The following NRCAM variants were observed in gnomAD, a reference collection of about 807,000 sequenced individuals.
NRCAM encodes the protein neuronal cell adhesion molecule, also known as NgCAM-related cell adhesion molecule.
A neutral mutation model predicts 156.5 loss-of-function variants in NRCAM; 83 were observed. The observed-to-expected ratio is 0.53, with a 90% CI of 0.44 to 0.64. NRCAM has a LOEUF of 0.64. Among genes scored for constraint, NRCAM ranks in the 30% least tolerant of loss-of-function variants. The pLI, the probability that NRCAM is intolerant of heterozygous loss-of-function variation, is 0.00. For synonymous variants in NRCAM, 538 were observed against 563.9 expected, an observed-to-expected ratio of 0.95 and a Z score of 0.65; for missense variants, 1,417 against 1,597.3, an observed-to-expected ratio of 0.89 and a Z score of 1.92.
chr7:108,391,177 A>G (rs902757079), intron 2 of NRCAM, among the ~76,000 whole-genome samples: 5 of 152,094 alleles, frequency 3.3e-5, no homozygotes, highest in South Asian at 2.1e-4. Context: ...GTGGGGTGTT[A>G]AAGTCTCCCA....
intron 11 of NRCAM, among the ~76,000 whole-genome samples, chr7:108,221,489 A>G (rs900131129): frequency 1.3e-5 from 2 of 152,164 alleles, no homozygotes; most frequent in Admixed American, 1.3e-4. Flanking sequence ...AAACTGTGGT[A>G]TATATATATG....
chr7:108,207,679 A>G lies in NRCAM; in HGVS notation c.1076-20T>C. The G allele has an allele frequency of 6.3e-7, 1 of 1,582,624 alleles. No individual in the cohort carries two copies. ...GAGCCGCTTTATAGGAGGAAGAAAA[A>G]AGACCAAAAATCTGAATCAAATAAG... On this transcript the variant is annotated intron_variant, in intron 12 of 32. Transcript: ENST00000379028.
At chr7:108,274,099 G>A (rs56409005) in intron 3 of NRCAM, among the ~76,000 whole-genome samples, 6,503 of 151,800 alleles carry the variant, frequency 0.043, 184 homozygotes, top group South Asian at 0.11. Flanking sequence ...CCATTGGTCT[G>A]TATCTGTTCT....
At chr7:108,455,928 C>A (rs1355533720) in intron 1 of NRCAM, among the ~76,000 whole-genome samples, 1 of 152,186 alleles carries the variant, frequency 6.6e-6, no homozygotes, top group Non-Finnish European at 1.5e-5. Flanking sequence ...GGTGCGGGCG[C>A]GGAGCAGAAG....
intron 2 of NRCAM, among the ~76,000 whole-genome samples, chr7:108,397,242 C>T (rs1196402896): frequency 1.3e-5 from 2 of 152,018 alleles, no homozygotes; most frequent in Admixed American, 6.6e-5. Context: ...GTGACAGATT[C>T]GTGGACCTTT....
rs1363208254 is a variant in NRCAM at position 108,176,611 on chromosome 7, C to T, written c.2975-5G>A. 2 of 1,605,374 alleles carry T rather than the reference C, an allele frequency of 1.2e-6. No individual in the cohort carries two copies. The highest frequency in any genetic ancestry group is 1.7e-5 in the Admixed American group (1 of 58,898). On this transcript the variant is annotated splice_polypyrimidine_tract_variant and splice_region_variant and intron_variant, in intron 26 of 32. Coordinates refer to ENST00000379028, the MANE Select transcript of NRCAM (RefSeq NM_001037132.4). ...CTAATTCATGTGTGCTGTTAACTGT[C>T]AATAAGAAATAATGAACAAGTGCAT...
At chr7:108,425,303 G>T (rs933676904) in intron 1 of NRCAM, among the ~76,000 whole-genome samples, 2 of 152,142 alleles carry the variant, frequency 1.3e-5, no homozygotes, top group African/African-American at 4.8e-5. Context: ...TTATTTCATA[G>T]ATATTTCCAA....
intron 1 of NRCAM, among the ~76,000 whole-genome samples, chr7:108,448,035 C>G (rs1243366979): frequency 6.6e-6 from 1 of 152,184 alleles, no homozygotes; most frequent in Non-Finnish European, 1.5e-5. Flanking sequence ...GGTTTTAGGA[C>G]AGCAGTGAAC....
intron 2 of NRCAM, among the ~76,000 whole-genome samples, chr7:108,373,091 G>A (rs1267796121): frequency 2.6e-5 from 4 of 152,126 alleles, no homozygotes; most frequent in African/African-American, 9.7e-5. Flanking sequence ...AAATAAGCTA[G>A]TCACAGGAAG....
Position 108,329,291 on chromosome 7 carries a change from G to C in NRCAM, c.-173-16560C>G, listed in dbSNP as rs74362255. Among the ~76,000 whole-genome samples, 1,380 of 152,246 alleles carry C rather than the reference G, an allele frequency of 9.1e-3. 29 individuals are homozygous for C. Among genetic ancestry groups the C allele is most frequent in the African/African-American group, 0.031 (1,306 of 41,544 alleles). On this transcript the variant is annotated intron_variant, in intron 2 of 32. Coordinates refer to ENST00000379028, the MANE Select transcript of NRCAM (RefSeq NM_001037132.4). ...ATAGTGAGCTGGTATTTTCATTAGA[G>C]TGCATAATACATTAGGATTATATTT...
chr7:108,425,563 C>A (rs964953495), intron 1 of NRCAM, among the ~76,000 whole-genome samples: 3 of 152,134 alleles, frequency 2.0e-5, no homozygotes, highest in African/African-American at 7.2e-5. Context: ...GAAATATATC[C>A]CAACAATTTT....
At chr7:108,389,522 C>T (rs2099752837) in intron 2 of NRCAM, among the ~76,000 whole-genome samples, 1 of 152,200 alleles carries the variant, frequency 6.6e-6, no homozygotes, top group Non-Finnish European at 1.5e-5. Context: ...TTGACTTCCT[C>T]TTTTCCTAAC....
intron 1 of NRCAM, among the ~76,000 whole-genome samples, chr7:108,439,054 T>G (rs1046323780): frequency 2.0e-5 from 3 of 152,196 alleles, no homozygotes; most frequent in Non-Finnish European, 2.9e-5. Flanking sequence ...GTTCATCTAT[T>G]GATTTAATGT....
intron 31 of NRCAM, 54 bp downstream of exon 31, chr7:108,160,302 TTTTAG>T: frequency 6.6e-7 from 1 of 1,505,942 alleles, no homozygotes; most frequent in Non-Finnish European, 9.2e-7. Flanking sequence ...CCCATGATCT[TTTTAG>T]TTTAATGGAT....
chr7:108,206,898 T>C (rs865782013), intron 13 of NRCAM, among the ~76,000 whole-genome samples: 5 of 152,124 alleles, frequency 3.3e-5, no homozygotes, highest in African/African-American at 1.2e-4. Context: ...GGGCAACAAG[T>C]ATAGCCAGGA....
intron 8 of NRCAM, 63 bp from the exon 9 acceptor site, chr7:108,226,441 C>G (rs574153740): frequency 6.0e-5 from 71 of 1,189,304 alleles, no homozygotes; most frequent in Non-Finnish European, 8.5e-5. Context: ...TCCAAATTAG[C>G]AAGATAAATG....
At chr7:108,191,634 C>G (rs1472334213) in intron 18 of NRCAM, 95 bp downstream of exon 18, 3 of 1,407,270 alleles carry the variant, frequency 2.1e-6, no homozygotes, top group Middle Eastern at 2.4e-4. Context: ...TGCATATTAA[C>G]AAGCAAATAT....
At position 108,191,233 on chromosome 7, in the gene NRCAM, A is replaced by G. The variant is rs182933180; in HGVS notation, c.1933+21T>C. 6.9e-6 allele frequency: 11 copies of G among 1,592,852 alleles called. No individual in the cohort carries two copies. In the Admixed American group the frequency reaches 1.0e-4, roughly 15 times the overall value. On this transcript the variant is annotated intron_variant, in intron 19 of 32. Coordinates refer to ENST00000379028, the MANE Select transcript of NRCAM (RefSeq NM_001037132.4). Reference sequence around the variant, plus strand: ...AAATTGTTTGACAGAAAACAGAGAAAGAAGACTCATATTAGTTTACCGTAA... The same window carrying G: ...AAATTGTTTGACAGAAAACAGAGAAGGAAGACTCATATTAGTTTACCGTAA...
intron 2 of NRCAM, among the ~76,000 whole-genome samples, chr7:108,325,401 A>C (rs189549358): frequency 1.4e-4 from 22 of 152,276 alleles, no homozygotes; most frequent in Admixed American, 1.4e-3. Flanking sequence ...TGGGCAACTC[A>C]TTAGGAAAAA....
Sources: gnomAD v4.1 joint callset for allele counts (sites outside exome capture counted in the v4.1 genomes callset) on GRCh38, gnomAD v4.1.1 for gene constraint, MANE v1.5 for transcripts, NCBI Gene and HGNC (gene_info 2026-07-23, HGNC 2026-07-21) for gene names.